CSNK1G3: variants seen among roughly 807,000 people sequenced by gnomAD.
The protein encoded by CSNK1G3 is casein kinase I isoform gamma-3.
In CSNK1G3, 23 loss-of-function variants were observed where a neutral mutation model predicts 64.3. The observed-to-expected ratio is 0.36, with a 90% confidence interval of 0.26 to 0.51. CSNK1G3 has a LOEUF of 0.51. Ranked by LOEUF, CSNK1G3 falls within the 20% of genes least tolerant of loss-of-function variation. CSNK1G3 has a pLI of 0.96. For missense variants in CSNK1G3, 357 were observed against 510.5 expected (o/e 0.70, Z 2.90); for synonymous variants, 158 against 162.2 (o/e 0.97, Z 0.20).
At chr5:123,545,610 T>G in exon 2 of CSNK1G3, 1 of 1,472,416 alleles carries the variant, frequency 6.8e-7, no homozygotes, top group South Asian at 1.2e-5. Flanking sequence ...AATACCCTGT[T>G]TCAGTGTGCT....
At chr5:123,606,185 C>A (rs1411663395) in intron 12 of CSNK1G3, among the ~76,000 whole-genome samples, 1 of 151,820 alleles carries the variant, frequency 6.6e-6, no homozygotes, top group Admixed American at 6.6e-5. Flanking sequence ...GATTAAGAAT[C>A]CATTTTAATC....
intron 4 of CSNK1G3, among the ~76,000 whole-genome samples, chr5:123,559,851 A>T (rs763836928): frequency 1.7e-4 from 26 of 152,190 alleles, no homozygotes; most frequent in Admixed American, 5.9e-4. Flanking sequence ...ATCTGAAAAG[A>T]TTATATTTTC....
intron 4 of CSNK1G3, among the ~76,000 whole-genome samples, chr5:123,561,260 C>T (rs774057997): frequency 6.6e-6 from 1 of 152,078 alleles, no homozygotes; most frequent in Non-Finnish European, 1.5e-5. Flanking sequence ...ACTCAGTATT[C>T]GTTGAGTCAA....
intron 5 of CSNK1G3, among the ~76,000 whole-genome samples, chr5:123,573,871 A>G (rs1214745878): frequency 2.1e-5 from 3 of 143,264 alleles, no homozygotes; most frequent in Admixed American, 7.1e-5. Flanking sequence ...TTTTTTTGAG[A>G]CGGAGTCTTG....
At chr5:123,549,692 T>C (rs1334074067) in intron 2 of CSNK1G3, among the ~76,000 whole-genome samples, 1 of 152,232 alleles carries the variant, frequency 6.6e-6, no homozygotes, top group Non-Finnish European at 1.5e-5. Flanking sequence ...CAAAACCTAG[T>C]GTTTCCCCTG....
chr5:123,612,042 TGTA>T (rs1796426855), intron 12 of CSNK1G3, among the ~76,000 whole-genome samples: 3 of 152,198 alleles, frequency 2.0e-5, no homozygotes, highest in African/African-American at 7.2e-5. Flanking sequence ...GTAGTCTTGT[TGTA>T]CTGTGGCAGC....
At chr5:123,576,565 A>G (rs1789209795) in intron 6 of CSNK1G3, among the ~76,000 whole-genome samples, 1 of 152,108 alleles carries the variant, frequency 6.6e-6, no homozygotes, top group African/African-American at 2.4e-5. Flanking sequence ...TATCCCTTAA[A>G]TCATTTTCAT....
chr5:123,519,343 G>A (rs574039401), intron 1 of CSNK1G3, among the ~76,000 whole-genome samples: 1 of 152,336 alleles, frequency 6.6e-6, no homozygotes, highest in South Asian at 2.1e-4. Context: ...ATGAGCCACT[G>A]TGCCCGGCTG....
chr5:123,610,084 T>G (rs2151227519), intron 12 of CSNK1G3, among the ~76,000 whole-genome samples: 1 of 152,230 alleles, frequency 6.6e-6, no homozygotes, highest in African/African-American at 2.4e-5. Flanking sequence ...AGGGACTAGT[T>G]GCAAGTGGAT....
chr5:123,556,273 G>A (rs1454722868), intron 3 of CSNK1G3, among the ~76,000 whole-genome samples: 1 of 152,018 alleles, frequency 6.6e-6, no homozygotes, highest in Non-Finnish European at 1.5e-5. Context: ...ATTCTTTTTA[G>A]TTATCCTGTT....
At chr5:123,519,316 A>G (rs1424821461) in intron 1 of CSNK1G3, among the ~76,000 whole-genome samples, 2 of 152,158 alleles carry the variant, frequency 1.3e-5, no homozygotes, top group African/African-American at 4.8e-5. Flanking sequence ...GGTCTCCCAA[A>G]GTGCTGGATT....
chr5:123,601,246 A>G (rs1561613426), intron 10 of CSNK1G3, among the ~76,000 whole-genome samples: 1 of 152,174 alleles, frequency 6.6e-6, no homozygotes, highest in Non-Finnish European at 1.5e-5. Flanking sequence ...TTACAGTAGT[A>G]TATCTTCATT....
In CSNK1G3 at chr5:123,610,087, A is replaced by C. The variant is rs771124655; in HGVS notation, c.1218-4255A>C. On this transcript the variant is annotated intron_variant, in intron 12 of 12. Transcript: ENST00000345990. The stretch of plus-strand genomic sequence containing the variant: ...ATTTCAGACTTAAGGGACTAGTTGC[A>C]AGTGGATAGGGAGGAAGAAATTGGA... 5.3e-5 allele frequency among the ~76,000 whole-genome samples: 8 copies of C among 152,290 alleles called. No individual in the cohort carries two copies. The Middle Eastern group carries it at 0.014, about 259-fold the overall frequency.
intron 2 of CSNK1G3, among the ~76,000 whole-genome samples, chr5:123,550,993 A>G (rs1783532401): frequency 6.6e-6 from 1 of 152,296 alleles, no homozygotes; most frequent in South Asian, 2.1e-4. Flanking sequence ...CTGTGACCTC[A>G]AAGGTATGAA....
intron 12 of CSNK1G3, among the ~76,000 whole-genome samples, chr5:123,611,795 CTTAAA>C (rs1796381481): frequency 1.3e-5 from 2 of 152,068 alleles, no homozygotes; most frequent in African/African-American, 2.4e-5. Flanking sequence ...TGGCCATATT[CTTAAA>C]TTTAATATTC....
intron 6 of CSNK1G3, among the ~76,000 whole-genome samples, chr5:123,580,121 AT>A (rs1350215007): frequency 2.6e-5 from 4 of 151,898 alleles, no homozygotes; most frequent in African/African-American, 9.7e-5. Context: ...TTTTAATGTG[AT>A]TTTAATTTGT....
At chr5:123,571,132 G>A (rs1458996515) in intron 4 of CSNK1G3, among the ~76,000 whole-genome samples, 2 of 152,018 alleles carry the variant, frequency 1.3e-5, no homozygotes, top group Non-Finnish European at 2.9e-5. Flanking sequence ...TGGGACAAGC[G>A]TGTGTGATGT....
In CSNK1G3 at chr5:123,575,741, G is replaced by T; in HGVS notation, c.451G>T (p.Glu151Ter). The T allele has an allele frequency of 1.2e-6, 2 of 1,611,172 alleles. No homozygotes were observed. The highest frequency in any genetic ancestry group is 1.1e-5 in the South Asian group (1 of 90,926). Residue 151 changes from glutamate to a stop codon, truncating the protein, a stop_gained, in exon 6 of 13, where the codon GAA becomes TAA. Transcript: ENST00000345990. LOFTEE classifies it high-confidence loss of function. The stretch of plus-strand genomic sequence containing the variant: ...TTCTTAAACCAAGATTTCTCGCATG[G>T]AATATGTCCATTCAAAGAACTTGAT...
chr5:123,518,890 G>T (rs1777624900), intron 1 of CSNK1G3, among the ~76,000 whole-genome samples: 1 of 152,192 alleles, frequency 6.6e-6, no homozygotes, highest in South Asian at 2.1e-4. Flanking sequence ...GTCCCAAGTA[G>T]CTGGGATTAC....
Sources: allele counts gnomAD v4.1 joint callset (sites outside exome capture counted in the v4.1 genomes callset), GRCh38; gene constraint gnomAD v4.1.1; transcripts MANE v1.5; gene names NCBI Gene and HGNC (gene_info 2026-07-23, HGNC 2026-07-21).